Variants in RARS1 observed in about 807,000 individuals in gnomAD.
RARS1 encodes arginyl-tRNA synthetase 1, also known as arginine--tRNA ligase, cytoplasmic.
In RARS1, 75 loss-of-function variants were observed where a neutral mutation model predicts 78.7. The observed-to-expected ratio is 0.95, with a 90% confidence interval of 0.79 to 1.15. The LOEUF (loss-of-function observed/expected upper bound fraction) is 1.15, where lower values mean the gene tolerates loss of function less well. Among genes scored for constraint, RARS1 ranks in the 50% most tolerant of loss-of-function variants. RARS1 has a pLI of 0.00. For synonymous variants in RARS1, 273 were observed against 268.2 expected (o/e 1.02, Z -0.18); for missense variants, 787 against 787.5 (o/e 1.00, Z 0.01).
intron 9 of RARS1, among the ~76,000 whole-genome samples, chr5:168,502,483 T>A (rs1758351330): frequency 1.3e-5 from 2 of 148,970 alleles, no homozygotes; most frequent in South Asian, 4.3e-4. Context: ...AGTGCTGGGA[T>A]TATAGACATG....
Position 168,516,854 on chromosome 5 carries a change from A to G in RARS1, c.1529A>G (p.His510Arg). 1.9e-6 allele frequency: 3 copies of G among 1,614,098 alleles called. No homozygotes were observed. The highest frequency in any genetic ancestry group is 2.5e-6 in the Non-Finnish European group (3 of 1,179,958). The part of the protein sequence containing the change: ...YGCIKYADLS[H>R]NRLNDYIFSF... The stretch of plus-strand genomic sequence containing the variant: ...TGCATCAAATATGCTGACCTTTCCC[A>G]TAACCGGTTGAATGACTACATCTTC... The change falls in exon 13 of 15, where the codon CAT (histidine) becomes CGT (arginine). Residue 510 changes from histidine (H) to arginine (R), a missense_variant. By Grantham distance (29) the His-to-Arg change is conservative (BLOSUM62 0). Coordinates refer to ENST00000231572, the MANE Select transcript of RARS1 (RefSeq NM_002887.4).
In RARS1 at chr5:168,500,661, A is replaced by G; in HGVS notation, c.893A>G (p.Gln298Arg). The G allele has an allele frequency of 6.2e-7, 1 of 1,610,754 alleles. No homozygotes were observed. The highest frequency in any genetic ancestry group is 8.5e-7 in the Non-Finnish European group (1 of 1,179,090). ...KRAYQCVVLLQGKNPDITKAW... is the reference protein window; with the variant it reads ...KRAYQCVVLLRGKNPDITKAW... ...GCATATCAGTGTGTAGTTCTGCTCC[A>G]GGGTAAAAACCCAGATATTACAAAA... Residue 298 changes from glutamine to arginine, a missense_variant, in exon 8 of 15, where the codon CAG (glutamine) becomes CGG (arginine). Physicochemically the swap from Gln to Arg is conservative, Grantham distance 43. Coordinates refer to ENST00000231572, the MANE Select transcript of RARS1 (RefSeq NM_002887.4).
chr5:168,494,073 C>CA, intron 4 of RARS1, 71 bp downstream of exon 4: 1 of 1,416,036 alleles, frequency 7.1e-7, no homozygotes, highest in Non-Finnish European at 9.7e-7. Flanking sequence ...AAAAAGAACA[C>CA]ACATTTTAAT....
intron 2 of RARS1, among the ~76,000 whole-genome samples, chr5:168,491,766 T>C (rs971251246): frequency 2.6e-5 from 4 of 152,232 alleles, no homozygotes; most frequent in African/African-American, 9.6e-5. Flanking sequence ...TTCAAATCTT[T>C]GCATACTCAA....
chr5:168,513,982 A>G (rs1277615383), intron 12 of RARS1, among the ~76,000 whole-genome samples: 1 of 152,180 alleles, frequency 6.6e-6, no homozygotes, highest in African/African-American at 2.4e-5. Context: ...ATGACATTCC[A>G]CAGAACTGGA....
intron 8 of RARS1, among the ~76,000 whole-genome samples, chr5:168,501,729 T>TTAC (rs1758327808): frequency 1.3e-5 from 2 of 151,996 alleles, no homozygotes; most frequent in Admixed American, 1.3e-4. Flanking sequence ...TCTCAAAAAA[T>TTAC]AATAATAAAA....
rs1443535796 is a variant in RARS1, at chr5:168,519,244, T to C, written c.*54T>C. On this transcript the variant is annotated 3_prime_UTR_variant, in exon 15 of 15. Transcript: ENST00000231572. Reference sequence around the variant, plus strand: ...TTTACCAAAGTGGCCATTGGCACTGTTTGCTTTTTTACAATCATGTGGACA... The same window carrying C: ...TTTACCAAAGTGGCCATTGGCACTGCTTGCTTTTTTACAATCATGTGGACA... 7 of 1,401,272 alleles carry C rather than the reference T, an allele frequency of 5.0e-6. No individual in the cohort carries two copies. The highest frequency in any genetic ancestry group is 7.0e-6 in the Non-Finnish European group (7 of 999,036). 86.8% of individuals were successfully genotyped at this position (1,401,272 alleles called of 1,614,324 possible).
intron 2 of RARS1, among the ~76,000 whole-genome samples, chr5:168,489,547 G>GT (rs1758038429): frequency 1.3e-5 from 2 of 152,032 alleles, no homozygotes; most frequent in Non-Finnish European, 2.9e-5. Flanking sequence ...CTTGTGCTAT[G>GT]TTTATTTAAT....
intron 11 of RARS1, among the ~76,000 whole-genome samples, chr5:168,508,610 ACT>A (rs1758497379): frequency 1.7e-5 from 2 of 119,450 alleles, no homozygotes; most frequent in Non-Finnish European, 3.3e-5. Context: ...ACAGAGCAAG[ACT>A]CTGTCTCAAA....
chr5:168,502,384 A>ATATATATATATATATATATTTT (rs1280220276), intron 9 of RARS1, among the ~76,000 whole-genome samples: 5 of 127,230 alleles, frequency 3.9e-5, no homozygotes, highest in African/African-American at 1.6e-4. Flanking sequence ...ATATATATAT[A>ATATATATATATATATATATTTT]TTTTTTTTTT....
At chr5:168,510,023 A>G (rs1237617491) in intron 11 of RARS1, among the ~76,000 whole-genome samples, 6 of 152,208 alleles carry the variant, frequency 3.9e-5, no homozygotes, top group Admixed American at 3.3e-4. Context: ...CTGCTCAAGC[A>G]TCTTTCTTAA....
chr5:168,500,747 T>A, intron 8 of RARS1, 27 bp downstream of exon 8: 1 of 1,603,058 alleles, frequency 6.2e-7, no homozygotes. Flanking sequence ...TGTTCCTTCG[T>A]CCAGCAAATA....
In RARS1 at chr5:168,502,046, G is replaced by A; in HGVS notation, c.998G>A (p.Arg333Lys). 1 of 1,604,934 alleles carries A rather than the reference G, an allele frequency of 6.2e-7. No individual in the cohort carries two copies. Among genetic ancestry groups the A allele is most frequent in the African/African-American group, 1.3e-5 (1 of 74,570 alleles). ...GCATTGGACGTCTCTTTAATAGAGA[G>A]AGGGGAATCCTTCTATCAAGATAGG... The part of the protein sequence containing the change: ...YDALDVSLIE[R>K]GESFYQDRMN... Residue 333 changes from arginine to lysine, a missense_variant, in exon 9 of 15, where the codon AGA (arginine) becomes AAA (lysine). Transcript: ENST00000231572.
At position 168,493,952 on chromosome 5, in the gene RARS1, A is replaced by C; in HGVS notation, c.428A>C (p.Lys143Thr). Residue 143 changes from lysine to threonine, a missense_variant, in exon 4 of 15, where the codon AAA (lysine) becomes ACA (threonine). By Grantham distance (78) the Lys-to-Thr change is moderately conservative (BLOSUM62 -1). Coordinates refer to ENST00000231572, the MANE Select transcript of RARS1 (RefSeq NM_002887.4). ...NPREIAENIT[K>T]HLPDNECIEK... is the part of the protein sequence containing the mutation. The stretch of plus-strand genomic sequence containing the variant: ...AGAGAAATTGCTGAAAACATTACCA[A>C]ACACCTCCCAGACAATGAATGTATT... The C allele has an allele frequency of 6.2e-7, 1 of 1,613,702 alleles. No homozygotes were observed. The highest frequency in any genetic ancestry group is 8.5e-7 in the Non-Finnish European group (1 of 1,179,622).
chr5:168,488,874 A>AT, intron 2 of RARS1, 138 bp downstream of exon 2: 1 of 1,036,662 alleles, frequency 9.6e-7, no homozygotes, highest in East Asian at 2.6e-5. Context: ...TTTTCCCTGC[A>AT]TTAGACAACT....
At chr5:168,499,676 A>G (rs1173048233) in intron 7 of RARS1, among the ~76,000 whole-genome samples, 1 of 151,996 alleles carries the variant, frequency 6.6e-6, no homozygotes, top group East Asian at 1.9e-4. Context: ...AATTGTTTGT[A>G]TAAATAAATT....
intron 12 of RARS1, among the ~76,000 whole-genome samples, chr5:168,513,076 C>T (rs112609654): frequency 0.093 from 13,970 of 150,486 alleles, 1,160 homozygotes; most frequent in Admixed American, 0.21. Flanking sequence ...GACAGAGTCT[C>T]GCTCTGTTGC....
Position 168,505,554 on chromosome 5 carries a change from C to T in RARS1, c.1058-467C>T, listed in dbSNP as rs143407976. ...GCAAAGCAGATTTTCATGTTCTGGTCCTACCGAGCTGATGGGTTCCAACTA... is the reference window on the plus strand; with the variant it reads ...GCAAAGCAGATTTTCATGTTCTGGTTCTACCGAGCTGATGGGTTCCAACTA... On this transcript the variant is annotated intron_variant, in intron 9 of 14. Coordinates refer to ENST00000231572, the MANE Select transcript of RARS1 (RefSeq NM_002887.4). Among the ~76,000 whole-genome samples, 620 of 152,062 alleles carry T rather than the reference C, an allele frequency of 4.1e-3. 4 individuals are homozygous for T. Among genetic ancestry groups the T allele is most frequent in the African/African-American group, 0.014 (587 of 41,482 alleles).
At chr5:168,498,566 C>A (rs1758249297) in intron 7 of RARS1, among the ~76,000 whole-genome samples, 2 of 152,144 alleles carry the variant, frequency 1.3e-5, no homozygotes, top group Non-Finnish European at 2.9e-5. Flanking sequence ...TTTGTTGGAT[C>A]AGTGTACCAA....
Sources: allele counts gnomAD v4.1 joint callset (sites outside exome capture counted in the v4.1 genomes callset), GRCh38; gene constraint gnomAD v4.1.1; transcripts MANE v1.5; gene names NCBI Gene and HGNC (gene_info 2026-07-23, HGNC 2026-07-21).